SUN1: variants seen among roughly 807,000 people sequenced by gnomAD.
SUN1 encodes the protein SUN domain-containing protein 1.
Under a neutral mutation model 103.2 loss-of-function variants are expected in SUN1, and 61 were observed. The observed-to-expected ratio is 0.59, with a 90% CI of 0.48 to 0.73. The LOEUF (loss-of-function observed/expected upper bound fraction) is 0.73. Among genes scored for constraint, SUN1 ranks in the 30% least tolerant of loss-of-function variants. The pLI is 0.00. For missense variants in SUN1, 1,052 were observed against 1,034.6 expected, an observed-to-expected ratio of 1.02 and a Z score of -0.23; for synonymous variants, 490 against 425.7, an observed-to-expected ratio of 1.15 and a Z score of -1.86.
At chr7:869,156 G>T in intron 16 of SUN1, 193 bp from the exon 17 acceptor site, 363 of 600,746 alleles carry the variant, frequency 6.0e-4, no homozygotes, top group Middle Eastern at 9.8e-4. Context: ...TACAACATAT[G>T]GGTTGGAGAT....
intron 1 of SUN1, among the ~76,000 whole-genome samples, chr7:823,194 C>T (rs573822941): frequency 2.6e-5 from 4 of 152,272 alleles, no homozygotes; most frequent in African/African-American, 7.2e-5. Context: ...GGATTAGAGC[C>T]GAAGGTGAAT....
chr7:830,208 C>T (rs1383414018), upstream of SUN1, among the ~76,000 whole-genome samples: 1 of 152,174 alleles, frequency 6.6e-6, no homozygotes, highest in African/African-American at 2.4e-5. Context: ...TGTGGGAGAG[C>T]GCAGAGCACC....
chr7:836,767 TGA>T (rs1554261771), intron 1 of SUN1, among the ~76,000 whole-genome samples: 1 of 152,212 alleles, frequency 6.6e-6, no homozygotes, highest in Non-Finnish European at 1.5e-5. Context: ...AGCAAATATC[TGA>T]GCGCCCAAGG....
At chr7:872,378 G>A (rs949104499) in intron 17 of SUN1, 92 bp from the exon 18 acceptor site, 46 of 1,039,698 alleles carry the variant, frequency 4.4e-5, no homozygotes, top group Non-Finnish European at 6.4e-5. Flanking sequence ...AAACGGTCCT[G>A]TTTGCTTAGT....
intron 15 of SUN1, among the ~76,000 whole-genome samples, chr7:864,259 A>T (rs1032116739): frequency 2.0e-5 from 3 of 152,212 alleles, no homozygotes; most frequent in Non-Finnish European, 4.4e-5. Flanking sequence ...TTAAAAATGC[A>T]CAATTAGGCC....
intron 1 of SUN1, among the ~76,000 whole-genome samples, chr7:835,969 A>G (rs1198930389): frequency 6.6e-6 from 1 of 152,216 alleles, no homozygotes; most frequent in Admixed American, 6.5e-5. Flanking sequence ...GCAGGGGCAG[A>G]TGCTGCTGGA....
intron 9 of SUN1, chr7:853,188 A>G (rs942562665): frequency 3.1e-5 from 23 of 738,010 alleles, no homozygotes; most frequent in Non-Finnish European, 5.0e-5. Flanking sequence ...AGTATTCATC[A>G]CTGTACAAAG....
In SUN1 at chr7:852,679, C is replaced by G; in HGVS notation, c.910+12C>G. ...CTTCCTTTTACTAGGTAAGTCAAAT[C>G]TGGCTGAGTTGCCTCCGATGGCTAA... On this transcript the variant is annotated intron_variant, in intron 8 of 18. Coordinates refer to ENST00000401592, the MANE Select transcript of SUN1 (RefSeq NM_001130965.3). The G allele has an allele frequency of 3.1e-6, 5 of 1,614,214 alleles. No individual in the cohort carries two copies. The highest frequency in any genetic ancestry group is 3.4e-6 in the Non-Finnish European group (4 of 1,180,048).
At chr7:823,886 C>T (rs1424983661) in intron 1 of SUN1, among the ~76,000 whole-genome samples, 1 of 152,118 alleles carries the variant, frequency 6.6e-6, no homozygotes, top group East Asian at 1.9e-4. Context: ...GGCGGAAATG[C>T]CCAACAGGAA....
rs1468858553 is a variant in SUN1 at position 874,904 on chromosome 7, A to G, written c.*1573A>G. On this transcript the variant is annotated 3_prime_UTR_variant, in exon 19 of 19. Coordinates refer to ENST00000401592, the MANE Select transcript of SUN1 (RefSeq NM_001130965.3). ...AAAGAGTTTTAATTTTTAAAAGGGC[A>G]TGGGATATAAACAGTCTATTTCTTT... The G allele has an allele frequency of 2.0e-5, 3 of 152,256 alleles. No individual in the cohort carries two copies. The highest frequency in any genetic ancestry group is 1.5e-5 in the Non-Finnish European group (1 of 68,048). The allele number at this position is 152,256 out of a possible 1,614,324, so 9.4% of individuals were successfully genotyped here.
In SUN1 at chr7:842,033, C is replaced by T. The variant is rs767236789; in HGVS notation, c.354C>T (p.His118=). The T allele has an allele frequency of 4.3e-6, 7 of 1,614,228 alleles. No homozygotes were observed. Among genetic ancestry groups the T allele is most frequent in the East Asian group, 2.2e-5 (1 of 44,890 alleles). Residue 118 remains histidine, a synonymous_variant, in exon 3 of 19, where the codon CAC becomes CAT. Coordinates refer to ENST00000401592, the MANE Select transcript of SUN1 (RefSeq NM_001130965.3). ...AGGTCACGTCCTCTGGCGTCAGCCACGGCGGCACTGTCAGCCTGCAGGATG... is the reference window on the plus strand; with the variant it reads ...AGGTCACGTCCTCTGGCGTCAGCCATGGCGGCACTGTCAGCCTGCAGGATG... ...SRQVTSSGVS[H]GGTVSLQDAV...
intron 9 of SUN1, 171 bp from the exon 10 acceptor site, chr7:853,237 GT>G: frequency 1.3e-6 from 1 of 786,992 alleles, no homozygotes; most frequent in Admixed American, 2.8e-5. Flanking sequence ...AGCACCCATA[GT>G]CAGCCATGTA....
At chr7:824,144 A>C (rs2128160329) in intron 1 of SUN1, among the ~76,000 whole-genome samples, 2 of 152,334 alleles carry the variant, frequency 1.3e-5, no homozygotes, top group South Asian at 4.1e-4. Flanking sequence ...GTAGTAGTGG[A>C]TTCATATCCT....
chr7:829,547 GGTTTTTTTTTTT>G (rs986719182), upstream of SUN1, among the ~76,000 whole-genome samples: 110 of 118,456 alleles, frequency 9.3e-4, no homozygotes, highest in African/African-American at 3.3e-3. Context: ...AAAAATAACT[GGTTTTTTTTTTT>G]GTTTTTTTTT....
intron 11 of SUN1, among the ~76,000 whole-genome samples, 153 bp from the exon 12 acceptor site, chr7:856,205 A>G (rs1046238276): frequency 5.3e-5 from 8 of 152,266 alleles, no homozygotes; most frequent in Non-Finnish European, 7.3e-5. Context: ...GAAATGTTCA[A>G]TGAACACTTC....
Position 860,335 on chromosome 7 carries a change from G to A in SUN1, c.1732G>A (p.Val578Met), listed in dbSNP as rs201804636. The A allele has an allele frequency of 9.3e-6, 15 of 1,614,094 alleles. No individual in the cohort carries two copies. Among genetic ancestry groups the A allele is most frequent in the East Asian group, 2.2e-5 (1 of 44,898 alleles). ...VTKQLPTSEA[V>M]VSAVSEAGAS... is the part of the protein sequence containing the mutation. ...CAAGCAGCTCCCAACCTCAGAAGCCGTGGTGTCTGCTGTGAGCGAGGCGGG... is the reference window on the plus strand; with the variant it reads ...CAAGCAGCTCCCAACCTCAGAAGCCATGGTGTCTGCTGTGAGCGAGGCGGG... Residue 578 changes from valine to methionine, a missense_variant, in exon 14 of 19, where the codon GTG (valine) becomes ATG (methionine). By Grantham distance (21) the Val-to-Met change is conservative. Transcript: ENST00000401592.
intron 1 of SUN1, among the ~76,000 whole-genome samples, chr7:835,529 G>A (rs1802220755): frequency 6.6e-6 from 1 of 152,126 alleles, no homozygotes; most frequent in Non-Finnish European, 1.5e-5. Context: ...GGATCCTCAT[G>A]TTACATTGGG....
rs781390393 is a variant in SUN1 at position 852,813 on chromosome 7, G to A, written c.914G>A (p.Gly305Asp). 6 of 1,612,282 alleles carry A rather than the reference G, an allele frequency of 3.7e-6. No individual in the cohort carries two copies. The South Asian group carries it at 4.4e-5, about 12-fold the overall frequency. ...TGTGGTGGCTCTTCTCTTTTAGCAG[G>A]TCTCTCCTTACGGGGCCAGGGCAAT... ...LLIPLFLLLA[G>D]LSLRGQGNFF... Residue 305 changes from glycine to aspartate, a missense_variant, in exon 9 of 19, where the codon GGT becomes GAT. Around this residue, in one of 2 missense-constraint regions of SUN1, gnomAD observed 846 missense variants for 774.5 expected, o/e 1.09. Transcript: ENST00000401592.
Position 861,403 on chromosome 7 carries a change from C to T in SUN1, c.1803C>T (p.Ser601=), listed in dbSNP as rs1361798159. Residue 601 remains serine (S), a synonymous_variant, in exon 15 of 19, where the codon AGC becomes AGT. Coordinates refer to ENST00000401592, the MANE Select transcript of SUN1 (RefSeq NM_001130965.3). ...AGCAAGCACGTGCCATCGTGAACAG[C>T]GCCTTGAAGCTGTATTCCCAAGATA... ...TEAQARAIVN[S]ALKLYSQDKT... The T allele has an allele frequency of 1.2e-5, 20 of 1,614,076 alleles. No individual in the cohort carries two copies. Among genetic ancestry groups the T allele is most frequent in the East Asian group, 8.9e-5 (4 of 44,898 alleles).
Sources: allele counts gnomAD v4.1 joint callset (sites outside exome capture counted in the v4.1 genomes callset), GRCh38; gene constraint gnomAD v4.1.1; regional missense constraint gnomAD v4.1.1; transcripts MANE v1.5; gene names NCBI Gene and HGNC (gene_info 2026-07-23, HGNC 2026-07-21).